The following SBNO2 variants were observed in gnomAD, a reference collection of about 807,000 sequenced individuals.
SBNO2 encodes protein strawberry notch homolog 2.
SBNO2 carries 89 observed loss-of-function variants against 146.3 expected under a neutral mutation model. The ratio of observed to expected loss-of-function variants is 0.61; its 90% CI spans 0.51 to 0.73. SBNO2 has a LOEUF of 0.73. Ranked by LOEUF, SBNO2 falls within the 30% of genes least tolerant of loss-of-function variation. The pLI is 0.00. For synonymous variants in SBNO2, 1,147 were observed against 892.6 expected, an observed-to-expected ratio of 1.29 and a Z score of -5.08; for missense variants, 2,092 against 2,003.7, an observed-to-expected ratio of 1.04 and a Z score of -0.84.
At chr19:1,152,220 G>T (rs994700393) in intron 2 of SBNO2, among the ~76,000 whole-genome samples, 1 of 152,210 alleles carries the variant, frequency 6.6e-6, no homozygotes, top group Non-Finnish European at 1.5e-5. Flanking sequence ...TTCCCCGACT[G>T]TCACTGCTAA....
At position 1,112,438 on chromosome 19, in the gene SBNO2, G is replaced by A. The variant is rs372180880; in HGVS notation, c.2479C>T (p.Leu827=). Residue 827 remains leucine, a synonymous_variant, in exon 21 of 32, where the codon CTG becomes TTG. Coordinates refer to ENST00000361757, the MANE Select transcript of SBNO2 (RefSeq NM_014963.3). This position sits in a 1 kb window ranked among gnomAD's most constrained non-coding sequence, Gnocchi z 5.9. ...ATGGCGCGGTCGGCGCTCCACGGCAGCTCCAAGGTCATGTGCACGCGGCGC... is the reference window on the plus strand; with the variant it reads ...ATGGCGCGGTCGGCGCTCCACGGCAACTCCAAGGTCATGTGCACGCGGCGC... The part of the protein sequence containing the change: ...QRRRVHMTLE[L]PWSADRAIQQ... 3.1e-4 allele frequency: 499 copies of A among 1,607,176 alleles called. No homozygotes were observed. The highest frequency in any genetic ancestry group is 4.1e-4 in the Non-Finnish European group (480 of 1,178,724).
At chr19:1,162,131 G>A (rs1391110547) in intron 1 of SBNO2, among the ~76,000 whole-genome samples, 2 of 132,424 alleles carry the variant, frequency 1.5e-5, no homozygotes, top group South Asian at 2.6e-4. Context: ...CGGGAGCAGG[G>A]ATGGGGTCTT....
rs1294584702 is a variant in SBNO2 at position 1,112,681 on chromosome 19, G to A, written c.2379+137C>T. Reference sequence around the variant, plus strand: ...GGCCTGCGGGGCGCGGACACCACCCGCCACACGGCCACTCGCGCCCGCACC... The same window carrying A: ...GGCCTGCGGGGCGCGGACACCACCCACCACACGGCCACTCGCGCCCGCACC... On this transcript the variant is annotated intron_variant, in intron 20 of 31. Coordinates refer to ENST00000361757, the MANE Select transcript of SBNO2 (RefSeq NM_014963.3). The surrounding 1 kb of genome is among the most constrained non-coding windows in gnomAD (Gnocchi z 5.9). 5 of 1,431,252 alleles carry A rather than the reference G, an allele frequency of 3.5e-6. No individual in the cohort carries two copies. Among genetic ancestry groups the A allele is most frequent in the South Asian group, 1.4e-5 (1 of 70,940 alleles). The allele number at this position is 1,431,252 out of a possible 1,614,324, so 88.7% of individuals were successfully genotyped here.
rs1426044665 is a variant in SBNO2, at chr19:1,108,670, C to T, written c.3651G>A (p.Val1217=). Residue 1217 remains valine, a synonymous_variant, in exon 32 of 32, where the codon GTG becomes GTA. Transcript: ENST00000361757. ...CATCCATCAGCCGCAGCTCCTGCAG[C>T]ACCCGGCGCACGCAGCCCTCGGGGA... The part of the protein sequence containing the change: ...IKIPEGCVRR[V]LQELRLMDAD... The T allele has an allele frequency of 6.5e-7, 1 of 1,528,614 alleles. No homozygotes were observed. The highest frequency in any genetic ancestry group is 1.2e-5 in the South Asian group (1 of 83,530). 94.7% of individuals were successfully genotyped at this position (1,528,614 alleles called of 1,614,324 possible). A position where few individuals can be genotyped will look rare whatever the true frequency, so the allele number is the denominator to read the frequency against.
intron 1 of SBNO2, among the ~76,000 whole-genome samples, chr19:1,160,370 C>T (rs1019533423): frequency 6.6e-6 from 1 of 152,196 alleles, no homozygotes; most frequent in Non-Finnish European, 1.5e-5. Context: ...GCCCAGGCCT[C>T]GGGGGGTCTG....
At position 1,108,338 on chromosome 19, in the gene SBNO2, G is replaced by A. The variant is rs1423897752; in HGVS notation, c.3983C>T (p.Pro1328Leu). ...DMLRSLHAGP[P>L]SEGALGEGAG... ...GCCCTCCCCCAGCGCGCCCTCGGAG[G>A]GCGGCCCCGCGTGCAGCGAGCGCAG... Residue 1328 changes from proline to leucine, a missense_variant, in exon 32 of 32, where the codon CCC becomes CTC. Coordinates refer to ENST00000361757, the MANE Select transcript of SBNO2 (RefSeq NM_014963.3). The A allele has an allele frequency of 8.1e-5, 108 of 1,334,812 alleles. No individual in the cohort carries two copies. Among genetic ancestry groups the A allele is most frequent in the Non-Finnish European group, 1.0e-4 (105 of 1,040,284 alleles). 82.7% of individuals were successfully genotyped at this position (1,334,812 alleles called of 1,614,324 possible).
rs1383438462 is a variant in SBNO2, at chr19:1,144,705, G to C, written c.279+2604C>G. ...AGAGAGGGCGACAGAGACAGAGAGG[G>C]AAACAGACACAGAGGCAGAGAGGGA... On this transcript the variant is annotated intron_variant, in intron 4 of 31. Coordinates refer to ENST00000361757, the MANE Select transcript of SBNO2 (RefSeq NM_014963.3). This position sits in a 1 kb window ranked among gnomAD's most constrained non-coding sequence, Gnocchi z 4.1. Among the ~76,000 whole-genome samples, 2 of 151,700 alleles carry C rather than the reference G, an allele frequency of 1.3e-5. No individual in the cohort carries two copies. Among genetic ancestry groups the C allele is most frequent in the Non-Finnish European group, 2.9e-5 (2 of 67,954 alleles).
At chr19:1,134,352 T>C (rs2080066710) in intron 4 of SBNO2, among the ~76,000 whole-genome samples, 2 of 151,216 alleles carry the variant, frequency 1.3e-5, no homozygotes, top group Admixed American at 1.3e-4. Context: ...GACCCTCAGC[T>C]CCCAGGTGGA....
intron 5 of SBNO2, among the ~76,000 whole-genome samples, chr19:1,125,832 A>C (rs994351507): frequency 1.2e-4 from 19 of 152,158 alleles, no homozygotes; most frequent in African/African-American, 4.3e-4. Flanking sequence ...TATCTCTACA[A>C]AAAATACAAA....
intron 1 of SBNO2, among the ~76,000 whole-genome samples, chr19:1,168,178 C>T (rs1184520202): frequency 6.6e-6 from 1 of 152,168 alleles, no homozygotes; most frequent in African/African-American, 2.4e-5. Context: ...ATTCAAGCAT[C>T]CACACCCCCA....
rs761861118 is a variant in SBNO2, at chr19:1,117,356, C to T, written c.1671G>A (p.Val557=). Residue 557 remains valine (V), a synonymous_variant, in exon 15 of 32, where the codon GTG becomes GTA. Coordinates refer to ENST00000361757, the MANE Select transcript of SBNO2 (RefSeq NM_014963.3). The stretch of plus-strand genomic sequence containing the variant: ...GCGCCAGCTCCTCTCGGGCCAGCTC[C>T]ACCAGCCGGCGCACCTTGGCTGCGA... ...LCIAAKVRRL[V]ELAREELARD... is the part of the protein sequence containing the mutation. The T allele has an allele frequency of 4.4e-6, 7 of 1,579,972 alleles. No individual in the cohort carries two copies. In the East Asian group the frequency reaches 1.6e-4, roughly 37 times the overall value.
intron 1 of SBNO2, among the ~76,000 whole-genome samples, chr19:1,162,454 C>A (rs371111227): frequency 7.3e-6 from 1 of 137,306 alleles, no homozygotes; most frequent in East Asian, 2.5e-4. Flanking sequence ...AGCGAGACTC[C>A]GTCTCAAAAA....
intron 12 of SBNO2, 136 bp from the exon 13 acceptor site, chr19:1,119,757 C>T: frequency 1.0e-6 from 1 of 979,218 alleles, no homozygotes; most frequent in Non-Finnish European, 1.5e-6. Context: ...CCAGCGTGGC[C>T]TTGGGACAGG....
At position 1,157,952 on chromosome 19, in the gene SBNO2, C is replaced by T. The variant is rs901268889; in HGVS notation, c.-126-3550G>A. Among the ~76,000 whole-genome samples the T allele has an allele frequency of 3.3e-5, 5 of 151,044 alleles. No individual in the cohort carries two copies. Among genetic ancestry groups the T allele is most frequent in the East Asian group, 3.9e-4 (2 of 5,138 alleles). ...TCTCTCCTGAGTCCGGATAACTGTC[C>T]GCCTCCCAGCTCTCTCCTGAGTCCG... On this transcript the variant is annotated intron_variant, in intron 1 of 31. Transcript: ENST00000361757. This position sits in a 1 kb window ranked among gnomAD's most constrained non-coding sequence, Gnocchi z 6.8.
At chr19:1,129,789 G>A (rs1432493352) in intron 4 of SBNO2, among the ~76,000 whole-genome samples, 10 of 152,256 alleles carry the variant, frequency 6.6e-5, no homozygotes, top group African/African-American at 1.9e-4. Flanking sequence ...TGCAGGGAGC[G>A]CAGGCAGAGC....
chr19:1,131,298 A>G (rs2080025446), intron 4 of SBNO2, among the ~76,000 whole-genome samples: 1 of 152,146 alleles, frequency 6.6e-6, no homozygotes, highest in Non-Finnish European at 1.5e-5. Flanking sequence ...AGGCCCCTCA[A>G]GGGTGACACT....
intron 11 of SBNO2, 178 bp from the exon 12 acceptor site, chr19:1,120,201 A>T: frequency 1.7e-6 from 1 of 584,082 alleles, no homozygotes; most frequent in East Asian, 2.8e-5. Flanking sequence ...GCGGGCGGGC[A>T]GGCGGCCCCC....
chr19:1,124,122 GTCCTCGCCTCCCCA>G, intron 5 of SBNO2, 100 bp from the exon 6 acceptor site: 1 of 1,094,400 alleles, frequency 9.1e-7, no homozygotes, highest in South Asian at 1.3e-5. Flanking sequence ...CCACTGCCCC[GTCCTCGCCTCCCCA>G]TCCTCGCTCC....
chr19:1,114,207 T>G, intron 18 of SBNO2, 24 bp downstream of exon 18: 1 of 1,424,426 alleles, frequency 7.0e-7, no homozygotes, highest in Non-Finnish European at 9.3e-7. Flanking sequence ...CACAGGTGGC[T>G]GGCCAGCCTG....
Sources: allele counts gnomAD v4.1 joint callset (sites outside exome capture counted in the v4.1 genomes callset), GRCh38; gene constraint gnomAD v4.1.1; non-coding constraint Gnocchi (gnomAD v3.1); transcripts MANE v1.5; gene names NCBI Gene and HGNC (gene_info 2026-07-23, HGNC 2026-07-21).